ZGRF1: variants seen among roughly 807,000 people sequenced by gnomAD.
The protein encoded by ZGRF1 is 5'-3' DNA helicase ZGRF1.
A neutral mutation model predicts 203.5 loss-of-function variants in ZGRF1; 196 were observed. The observed-to-expected ratio is 0.96, with a 90% CI of 0.86 to 1.08. The LOEUF (loss-of-function observed/expected upper bound fraction) is 1.08, where lower values mean the gene tolerates loss of function less well. Ranked by LOEUF, ZGRF1 falls within the 50% of genes least tolerant of loss-of-function variation. ZGRF1 has a pLI of 0.00. For missense variants in ZGRF1, 2,326 were observed against 2,416.3 expected, an observed-to-expected ratio of 0.96 and a Z score of 0.78; for synonymous variants, 809 against 841.3, an observed-to-expected ratio of 0.96 and a Z score of 0.66.
intron 23 of ZGRF1, 101 bp downstream of exon 23, chr4:112,548,152 G>A (rs1312700353): frequency 9.9e-7 from 1 of 1,013,434 alleles, no homozygotes; most frequent in Non-Finnish European, 1.4e-6. Context: ...TGTTGTCCAA[G>A]CTGGTCGCAA....
At chr4:112,613,652 G>C (rs567576485) in intron 6 of ZGRF1, among the ~76,000 whole-genome samples, 2 of 152,166 alleles carry the variant, frequency 1.3e-5, no homozygotes, top group Non-Finnish European at 2.9e-5. Flanking sequence ...GCTATGACAA[G>C]GGTAAAAGTG....
chr4:112,636,254 T>C (rs1419439199), intron 1 of ZGRF1, among the ~76,000 whole-genome samples: 2 of 152,152 alleles, frequency 1.3e-5, no homozygotes, highest in East Asian at 3.8e-4. Flanking sequence ...CATACATACA[T>C]ACACACAGAT....
At chr4:112,575,159 G>A (rs557958889) in intron 16 of ZGRF1, among the ~76,000 whole-genome samples, 16 of 152,142 alleles carry the variant, frequency 1.1e-4, no homozygotes, top group East Asian at 5.8e-4. Flanking sequence ...TTATTATTAC[G>A]TATTTTCAGT....
intron 11 of ZGRF1, among the ~76,000 whole-genome samples, chr4:112,589,204 T>C (rs74976289): frequency 0.07 from 10,602 of 152,044 alleles, 506 homozygotes; most frequent in Non-Finnish European, 0.099. Flanking sequence ...TCCTAGAGAA[T>C]AGTATTATAT....
intron 10 of ZGRF1, among the ~76,000 whole-genome samples, chr4:112,603,016 TTTTC>T (rs1047550068): frequency 9.2e-5 from 14 of 152,098 alleles, no homozygotes; most frequent in African/African-American, 2.4e-4. Flanking sequence ...TTATGCTTTT[TTTTC>T]TTTATTTCTT....
chr4:112,590,192 A>C (rs1279018546), intron 10 of ZGRF1, among the ~76,000 whole-genome samples: 1 of 152,196 alleles, frequency 6.6e-6, no homozygotes, highest in Non-Finnish European at 1.5e-5. Context: ...GCTCAGGCCA[A>C]ATTAGACCTC....
intron 1 of ZGRF1, among the ~76,000 whole-genome samples, chr4:112,636,357 G>A (rs538334452): frequency 6.6e-6 from 1 of 152,242 alleles, no homozygotes; most frequent in Non-Finnish European, 1.5e-5. Flanking sequence ...TCTCAGTAAA[G>A]TATGAGCCAT....
rs376217192 is a variant in ZGRF1 at position 112,547,409 on chromosome 4, C to A, written c.5475-1G>T. 2.4e-5 allele frequency: 38 copies of A among 1,600,922 alleles called. No individual in the cohort carries two copies. The highest frequency in any genetic ancestry group is 2.2e-4 in the South Asian group (19 of 88,258). ...AAGAATCAGCTTTTCACACTCAAAC[C>A]TAAAACAGAATTTCAAAAATTAATC... is the stretch of plus-strand genomic sequence containing the variant. On this transcript the variant is annotated splice_acceptor_variant, in intron 23 of 27. Transcript: ENST00000505019. LOFTEE classifies it high-confidence loss of function.
intron 20 of ZGRF1, among the ~76,000 whole-genome samples, chr4:112,555,625 TATA>T (rs1560751749): frequency 1.3e-5 from 2 of 152,222 alleles, no homozygotes; most frequent in Non-Finnish European, 2.9e-5. Context: ...TGGTTAAATC[TATA>T]ATAATAAGGG....
At chr4:112,548,584 A>T (rs1739292214) in intron 22 of ZGRF1, among the ~76,000 whole-genome samples, 1 of 151,818 alleles carries the variant, frequency 6.6e-6, no homozygotes, top group Admixed American at 6.6e-5. Context: ...AAGTTACTTA[A>T]GCCACAAGCC....
Position 112,547,276 on chromosome 4 carries a change from A to G in ZGRF1, c.5598+9T>C. On this transcript the variant is annotated intron_variant, in intron 24 of 27. Coordinates refer to ENST00000505019, the MANE Select transcript of ZGRF1 (RefSeq NM_018392.5). ...AATGATAATTCCGTAAGAATTCAGC[A>G]GTATGTACCATTAAGCAAAGTCGAT... 1 of 1,605,734 alleles carries G rather than the reference A, an allele frequency of 6.2e-7. No individual in the cohort carries two copies. The highest frequency in any genetic ancestry group is 8.5e-7 in the Non-Finnish European group (1 of 1,177,350).
intron 6 of ZGRF1, among the ~76,000 whole-genome samples, chr4:112,613,001 A>G (rs1343680810): frequency 6.6e-6 from 1 of 152,140 alleles, no homozygotes; most frequent in Non-Finnish European, 1.5e-5. Context: ...ACAAACAGAA[A>G]AGAAAAACAG....
In ZGRF1 at chr4:112,617,954, G is replaced by A; in HGVS notation, c.2088C>T (p.Asn696=). The stretch of plus-strand genomic sequence containing the variant: ...ATAGATTACTGTTTTCAGCAATCTG[G>A]TTTTGAATATGAGGAATATGTAAAT... ...NMNLHIPHIQ[N]QIAENSNLFS... Residue 696 remains asparagine (N), a synonymous_variant, in exon 6 of 28, where the codon AAC becomes AAT. Transcript: ENST00000505019. The A allele has an allele frequency of 1.2e-6, 2 of 1,613,216 alleles. No homozygotes were observed. Among genetic ancestry groups the A allele is most frequent in the Non-Finnish European group, 1.7e-6 (2 of 1,179,916 alleles).
intron 24 of ZGRF1, among the ~76,000 whole-genome samples, chr4:112,544,080 T>A (rs763698514): frequency 6.6e-6 from 1 of 152,116 alleles, no homozygotes; most frequent in Non-Finnish European, 1.5e-5. Flanking sequence ...TGACTTGTCA[T>A]AGAAGAAGTA....
intron 8 of ZGRF1, among the ~76,000 whole-genome samples, chr4:112,608,484 G>A (rs1409457448): frequency 1.3e-5 from 2 of 152,110 alleles, no homozygotes; most frequent in Non-Finnish European, 2.9e-5. Flanking sequence ...GCCAGGCGTG[G>A]TAGTGCATGC....
At chr4:112,597,140 A>G (rs867211267) in intron 10 of ZGRF1, among the ~76,000 whole-genome samples, 1 of 143,912 alleles carries the variant, frequency 6.9e-6, no homozygotes. Flanking sequence ...CTTGAACCCA[A>G]GAGGCGGAGG....
intron 7 of ZGRF1, chr4:112,610,633 C>T (rs1751441313): frequency 6.6e-6 from 1 of 152,200 alleles, no homozygotes; most frequent in African/African-American, 2.4e-5. Flanking sequence ...AAAGTTGTTC[C>T]TAGCCTTCCA....
At chr4:112,629,028 C>A (rs770189362) in intron 3 of ZGRF1, among the ~76,000 whole-genome samples, 5 of 152,150 alleles carry the variant, frequency 3.3e-5, no homozygotes, top group Non-Finnish European at 7.3e-5. Flanking sequence ...TATGAGACCA[C>A]CACCTTTAAA....
At chr4:112,623,192 CT>C (rs1024288064) in intron 4 of ZGRF1, among the ~76,000 whole-genome samples, 1 of 152,148 alleles carries the variant, frequency 6.6e-6, no homozygotes, top group Non-Finnish European at 1.5e-5. Flanking sequence ...TGATCTCATT[CT>C]TTTTTATGGC....
Sources: gnomAD v4.1 joint callset for allele counts (sites outside exome capture counted in the v4.1 genomes callset) on GRCh38, gnomAD v4.1.1 for gene constraint, MANE v1.5 for transcripts, NCBI Gene and HGNC (gene_info 2026-07-23, HGNC 2026-07-21) for gene names.